Variants in TSC22D1 observed in about 807,000 individuals in gnomAD.
TSC22D1 encodes TSC22 domain family member 1.
A neutral mutation model predicts 74.2 loss-of-function variants in TSC22D1; 9 were observed. The observed-to-expected ratio is 0.12, with a 90% CI of 0.07 to 0.21. The LOEUF is 0.21. TSC22D1 is among the 10% of genes least tolerant of loss of function. TSC22D1 has a pLI of 1.00. For synonymous variants in TSC22D1, 586 were observed against 492.5 expected, an observed-to-expected ratio of 1.19 and a Z score of -2.51; for missense variants, 1,427 against 1,304.7, an observed-to-expected ratio of 1.09 and a Z score of -1.44.
intron 1 of TSC22D1, among the ~76,000 whole-genome samples, chr13:44,555,844 T>C (rs1361956518): frequency 6.6e-6 from 1 of 151,822 alleles, no homozygotes; most frequent in Non-Finnish European, 1.5e-5. Flanking sequence ...GGTATTAAAA[T>C]AATATCTAAC....
At chr13:44,493,070 A>G (rs972208974) in intron 1 of TSC22D1, among the ~76,000 whole-genome samples, 1 of 152,192 alleles carries the variant, frequency 6.6e-6, no homozygotes, top group South Asian at 2.1e-4. Context: ...AAAAACACAC[A>G]AACAAAAAAA....
At position 44,432,244 on chromosome 13, in the gene TSC22D1, T is replaced by A. The variant is rs889671837; in HGVS notation, c.*2382A>T. On this transcript the variant is annotated 3_prime_UTR_variant, in exon 3 of 3. Coordinates refer to ENST00000458659, the MANE Select transcript of TSC22D1 (RefSeq NM_183422.4). ...TTTAATAAAAAGACCCAAAGTTCCA[T>A]TAAATAATGGAGAAAAAAACTTCTC... 1 of 152,198 alleles carries A rather than the reference T, an allele frequency of 6.6e-6. No individual in the cohort carries two copies. The highest frequency in any genetic ancestry group is 2.4e-5 in the African/African-American group (1 of 41,452). 9.4% of individuals were successfully genotyped at this position (152,198 alleles called of 1,614,324 possible).
intron 1 of TSC22D1, among the ~76,000 whole-genome samples, chr13:44,517,851 ATATATATT>A (rs1400925620): frequency 2.8e-4 from 6 of 21,764 alleles, no homozygotes; most frequent in Non-Finnish European, 4.7e-4. Context: ...ATATATATAT[ATATATATT>A]TTTTTTTTTT....
At chr13:44,451,823 T>TG (rs1876160436) in intron 1 of TSC22D1, among the ~76,000 whole-genome samples, 1 of 152,186 alleles carries the variant, frequency 6.6e-6, no homozygotes, top group South Asian at 2.1e-4. Context: ...CCCTTACCTG[T>TG]GGGGCTGTTG....
chr13:44,464,444 T>G (rs2137887761), intron 1 of TSC22D1, among the ~76,000 whole-genome samples: 1 of 152,294 alleles, frequency 6.6e-6, no homozygotes, highest in East Asian at 1.9e-4. Context: ...CTTACGGAGT[T>G]TACAGACTTT....
intron 1 of TSC22D1, among the ~76,000 whole-genome samples, chr13:44,553,530 C>A (rs1239268764): frequency 6.6e-6 from 1 of 152,144 alleles, no homozygotes; most frequent in Non-Finnish European, 1.5e-5. Context: ...CCATATGGGA[C>A]TGAGCATGGA....
chr13:44,496,202 G>T (rs1290428211), intron 1 of TSC22D1, among the ~76,000 whole-genome samples: 1 of 152,144 alleles, frequency 6.6e-6, no homozygotes, highest in Non-Finnish European at 1.5e-5. Context: ...TATACAAATG[G>T]CTGACAAGCA....
intron 1 of TSC22D1, among the ~76,000 whole-genome samples, chr13:44,476,597 T>C (rs1158743103): frequency 6.6e-6 from 1 of 152,242 alleles, no homozygotes; most frequent in African/African-American, 2.4e-5. Flanking sequence ...TAGACAATTA[T>C]GAGTCAAAGG....
intron 1 of TSC22D1, chr13:44,516,307 C>T: frequency 2.2e-6 from 1 of 464,224 alleles, no homozygotes; most frequent in Non-Finnish European, 4.2e-6. Flanking sequence ...ACCAGCTCCC[C>T]TCTACCACAG....
At chr13:44,576,561 C>G (rs913570414), upstream of TSC22D1, 1 of 153,728 alleles carries the variant, frequency 6.5e-6, no homozygotes, top group African/African-American at 2.4e-5. Flanking sequence ...CCTCGCCACC[C>G]CCGGGGCCGC....
Position 44,530,381 on chromosome 13 carries a change from T to C in TSC22D1, c.2912+42782A>G, listed in dbSNP as rs148511429. Among the ~76,000 whole-genome samples the C allele has an allele frequency of 3.3e-3, 499 of 152,030 alleles. 3 individuals carry two copies. The highest frequency in any genetic ancestry group is 0.012 in the African/African-American group (489 of 41,488). ...CCAAAAATCAATGTAAACACAAACC[T>C]TACCCCTTTCACAAAAACTGAGACC... On this transcript the variant is annotated intron_variant, in intron 1 of 2. Transcript: ENST00000458659.
At chr13:44,482,825 A>G (rs1878240890) in intron 1 of TSC22D1, among the ~76,000 whole-genome samples, 1 of 152,230 alleles carries the variant, frequency 6.6e-6, no homozygotes, top group South Asian at 2.1e-4. Flanking sequence ...TGGATATGTA[A>G]ACATTGATTA....
chr13:44,501,144 G>A (rs754359775), intron 1 of TSC22D1, among the ~76,000 whole-genome samples: 10 of 152,178 alleles, frequency 6.6e-5, no homozygotes, highest in Non-Finnish European at 1.3e-4. Flanking sequence ...TAGAAACTGC[G>A]AGGTGGTGAA....
intron 1 of TSC22D1, among the ~76,000 whole-genome samples, chr13:44,519,799 AGACAAGGTAAT>A: frequency 6.6e-6 from 1 of 152,146 alleles, no homozygotes; most frequent in Admixed American, 6.6e-5. Flanking sequence ...TCATGGATTG[AGACAAGGTAAT>A]GACAACAGGA....
Position 44,574,044 on chromosome 13 carries a change from T to C in TSC22D1, c.2031A>G (p.Val677=). 1.2e-6 allele frequency: 2 copies of C among 1,614,212 alleles called. No individual in the cohort carries two copies. Among genetic ancestry groups the C allele is most frequent in the Non-Finnish European group, 1.7e-6 (2 of 1,180,052 alleles). ...CAGGAATCACTGTTGTTCCTGCTCC[T>C]ACTCCTGCAGAACTGGGCTGTCCGG... ...MSSGQPSSAG[V]GAGTTVIPVA... is the part of the protein sequence containing the mutation. Residue 677 remains valine (V), a synonymous_variant, in exon 1 of 3, where the codon GTA becomes GTG. Transcript: ENST00000458659.
At chr13:44,479,485 G>A (rs1394849079) in intron 1 of TSC22D1, among the ~76,000 whole-genome samples, 2 of 152,128 alleles carry the variant, frequency 1.3e-5, no homozygotes, top group African/African-American at 2.4e-5. Flanking sequence ...CTGTACCAAA[G>A]CAATATACTG....
intron 1 of TSC22D1, among the ~76,000 whole-genome samples, chr13:44,517,855 A>ATTTTTTTTTTTT: frequency 4.2e-5 from 1 of 23,574 alleles, no homozygotes; most frequent in Non-Finnish European, 1.1e-4. Flanking sequence ...ATATATATAT[A>ATTTTTTTTTTTT]TATTTTTTTT....
chr13:44,498,078 A>AAAGTGAGATTC (rs1879051205), intron 1 of TSC22D1, among the ~76,000 whole-genome samples: 1 of 150,928 alleles, frequency 6.6e-6, no homozygotes, highest in African/African-American at 2.4e-5. Context: ...CCTGGGCAAC[A>AAAGTGAGATTC]TGATAAAACC....
intron 1 of TSC22D1, among the ~76,000 whole-genome samples, chr13:44,553,806 G>A (rs187983703): frequency 1.7e-3 from 265 of 152,298 alleles, no homozygotes; most frequent in Admixed American, 3.7e-3. Context: ...GAGAGTCAGC[G>A]AAAGAATTAA....
Sources: gnomAD v4.1 joint callset for allele counts (sites outside exome capture counted in the v4.1 genomes callset) on GRCh38, gnomAD v4.1.1 for gene constraint, MANE v1.5 for transcripts, NCBI Gene and HGNC (gene_info 2026-07-23, HGNC 2026-07-21) for gene names.